Variants in LRP6 observed in about 807,000 individuals in gnomAD.
The protein encoded by LRP6 is low-density lipoprotein receptor-related protein 6.
LRP6 carries 43 observed loss-of-function variants against 184.1 expected under a neutral mutation model. The observed-to-expected ratio is 0.23, with a 90% CI of 0.18 to 0.30. The LOEUF is 0.30. Among genes scored for constraint, LRP6 ranks in the 10% least tolerant of loss-of-function variants. LRP6 has a pLI of 1.00. For missense variants in LRP6, 1,571 were observed against 2,005.3 expected (o/e 0.78, Z 4.14); for synonymous variants, 719 against 684.9 (o/e 1.05, Z -0.78).
intron 1 of LRP6, among the ~76,000 whole-genome samples, chr12:12,247,263 T>G (rs901475879): frequency 2.0e-5 from 3 of 152,108 alleles, no homozygotes; most frequent in African/African-American, 4.8e-5. Flanking sequence ...AATTCAAGAG[T>G]GATAATCATC....
intron 1 of LRP6, among the ~76,000 whole-genome samples, chr12:12,266,169 G>C (rs1269090535): frequency 6.6e-6 from 1 of 152,042 alleles, no homozygotes; most frequent in Non-Finnish European, 1.5e-5. Context: ...TATCCCAAAC[G>C]GAAGCCAATC....
intron 4 of LRP6, 77 bp from the exon 5 acceptor site, chr12:12,184,188 C>G (rs1224734167): frequency 8.0e-7 from 1 of 1,251,438 alleles, no homozygotes; most frequent in Admixed American, 1.7e-5. Context: ...ACATGAACAA[C>G]TGTGATAAGC....
In LRP6 at chr12:12,162,216, A is replaced by G. The variant is rs1202754079; in HGVS notation, c.2256T>C (p.Ala752=). Reference sequence around the variant, plus strand: ...ACCCTTCGGCAGGGTCCAACGCGAGAGCTCTGGGACTATCTAGGTCTTTCC... The same window carrying G: ...ACCCTTCGGCAGGGTCCAACGCGAGGGCTCTGGGACTATCTAGGTCTTTCC... The part of the protein sequence containing the change: ...LVWKDLDSPR[A]LALDPAEGFM... The change falls in exon 10 of 23, where the codon GCT becomes GCC. Residue 752 remains alanine (A), a synonymous_variant. Coordinates refer to ENST00000261349, the MANE Select transcript of LRP6 (RefSeq NM_002336.3). The G allele has an allele frequency of 6.2e-7, 1 of 1,614,162 alleles. No individual in the cohort carries two copies. The highest frequency in any genetic ancestry group is 1.7e-5 in the Admixed American group (1 of 60,022).
intron 9 of LRP6, 73 bp from the exon 10 acceptor site, chr12:12,162,492 G>C: frequency 1.5e-6 from 2 of 1,312,594 alleles, no homozygotes; most frequent in South Asian, 2.4e-5. Context: ...GTTTGGTTTG[G>C]TTTTTGTCAG....
intron 19 of LRP6, among the ~76,000 whole-genome samples, chr12:12,129,549 A>C (rs903946543): frequency 1.4e-4 from 21 of 151,762 alleles, no homozygotes; most frequent in African/African-American, 5.1e-4. Flanking sequence ...ATCAACACCC[A>C]GTCTTTTTTT....
chr12:12,224,573 G>A (rs906676020), intron 2 of LRP6, among the ~76,000 whole-genome samples: 8 of 152,072 alleles, frequency 5.3e-5, no homozygotes, highest in Non-Finnish European at 1.2e-4. Context: ...TTACAACCGA[G>A]TTCTCTAACA....
chr12:12,174,482 T>C (rs989771348), intron 7 of LRP6, among the ~76,000 whole-genome samples: 2 of 152,230 alleles, frequency 1.3e-5, no homozygotes, highest in Admixed American at 6.5e-5. Context: ...AGGAAGTACT[T>C]GTTGATACTT....
At chr12:12,218,252 C>T (rs1417235855) in intron 2 of LRP6, among the ~76,000 whole-genome samples, 6 of 152,058 alleles carry the variant, frequency 3.9e-5, no homozygotes. Context: ...GTGGGAGGAC[C>T]ACTTGAGTCC....
intron 20 of LRP6, among the ~76,000 whole-genome samples, chr12:12,125,751 G>A (rs1485411934): frequency 2.6e-5 from 4 of 152,046 alleles, no homozygotes; most frequent in Admixed American, 6.5e-5. Flanking sequence ...GATTGTAAAG[G>A]GTAGAGGTTG....
intron 1 of LRP6, chr12:12,248,964 A>C: frequency 2.0e-6 from 1 of 489,586 alleles, no homozygotes. Context: ...TAAAAAATTA[A>C]AGTTCACAAG....
chr12:12,245,720 T>C (rs1384410254), intron 1 of LRP6, among the ~76,000 whole-genome samples: 2 of 152,166 alleles, frequency 1.3e-5, no homozygotes, highest in Non-Finnish European at 2.9e-5. Context: ...AGAAATAACA[T>C]TTAACTTTGA....
intron 1 of LRP6, among the ~76,000 whole-genome samples, chr12:12,262,715 G>C (rs1040526679): frequency 1.3e-5 from 2 of 152,098 alleles, no homozygotes; most frequent in Admixed American, 1.3e-4. Flanking sequence ...AAATGGTAAG[G>C]ATGGCAACCT....
At chr12:12,217,419 T>C (rs1310382624) in intron 2 of LRP6, among the ~76,000 whole-genome samples, 1 of 152,114 alleles carries the variant, frequency 6.6e-6, no homozygotes, top group Non-Finnish European at 1.5e-5. Context: ...TATATAATTA[T>C]TTCATTATAC....
At chr12:12,133,339 T>A (rs138522869) in intron 17 of LRP6, among the ~76,000 whole-genome samples, 1 of 152,126 alleles carries the variant, frequency 6.6e-6, no homozygotes, top group Non-Finnish European at 1.5e-5. Context: ...GGGGGGTAGA[T>A]CCCTCATGCC....
intron 3 of LRP6, among the ~76,000 whole-genome samples, chr12:12,190,160 A>G (rs576278991): frequency 6.6e-6 from 1 of 152,228 alleles, no homozygotes; most frequent in East Asian, 1.9e-4. Flanking sequence ...TGTCCAGCCA[A>G]CTATGACTTG....
chr12:12,140,963 G>A (rs1270007182), intron 15 of LRP6, among the ~76,000 whole-genome samples: 1 of 152,068 alleles, frequency 6.6e-6, no homozygotes, highest in African/African-American at 2.4e-5. Flanking sequence ...TAAATAAAAA[G>A]AATGTACCAT....
chr12:12,141,337 A>G (rs1458527019), intron 15 of LRP6, among the ~76,000 whole-genome samples: 1 of 152,184 alleles, frequency 6.6e-6, no homozygotes, highest in Non-Finnish European at 1.5e-5. Context: ...GCATACAAAG[A>G]CTGAAATCAC....
chr12:12,181,537 T>G (rs1455275130), intron 5 of LRP6, 98 bp from the exon 6 acceptor site: 1 of 739,168 alleles, frequency 1.4e-6, no homozygotes, highest in African/African-American at 1.7e-5. Context: ...AAATATAAAA[T>G]ATACATAAAT....
intron 12 of LRP6, among the ~76,000 whole-genome samples, chr12:12,152,755 C>A (rs1471304611): frequency 6.6e-6 from 1 of 152,170 alleles, no homozygotes; most frequent in South Asian, 2.1e-4. Flanking sequence ...ACATAAATAG[C>A]CAAGCCACGA....
Sources: allele counts gnomAD v4.1 joint callset (sites outside exome capture counted in the v4.1 genomes callset), GRCh38; gene constraint gnomAD v4.1.1; transcripts MANE v1.5; gene names NCBI Gene and HGNC (gene_info 2026-07-23, HGNC 2026-07-21).